The following ZNF83 variants were observed in gnomAD, a reference collection of about 807,000 sequenced individuals.
The protein encoded by ZNF83 is zinc finger protein 816B.
For missense variants in ZNF83, 552 were observed against 629.9 expected, an observed-to-expected ratio of 0.88 and a Z score of 1.32; for synonymous variants, 209 against 213.0, an observed-to-expected ratio of 0.98 and a Z score of 0.17.
chr19:52,637,255 CCT>C (rs2061180621), intron 1 of ZNF83, among the ~76,000 whole-genome samples: 1 of 152,100 alleles, frequency 6.6e-6, no homozygotes, highest in Non-Finnish European at 1.5e-5. Flanking sequence ...CTCTGCTCTC[CCT>C]GTTAAATTCC....
At chr19:52,640,098 C>T (rs1010330751), upstream of ZNF83, among the ~76,000 whole-genome samples, 13 of 152,220 alleles carry the variant, frequency 8.5e-5, no homozygotes, top group Non-Finnish European at 1.2e-4. Context: ...GGGGAAAACC[C>T]TAACCCATGT....
chr19:52,652,666 C>T, intron 3 of ZNF83: 1 of 559,894 alleles, frequency 1.8e-6, no homozygotes, highest in Non-Finnish European at 3.4e-6. Context: ...ATTATGGATT[C>T]TCTAATGATT....
intron 3 of ZNF83, chr19:52,653,001 T>G (rs973298425): frequency 1.5e-6 from 2 of 1,376,378 alleles, no homozygotes; most frequent in African/African-American, 1.4e-5. Flanking sequence ...CAGTATGAAC[T>G]CTCTGATGTT....
intron 1 of ZNF83, among the ~76,000 whole-genome samples, chr19:52,668,627 C>G (rs766060586): frequency 6.6e-6 from 1 of 152,108 alleles, no homozygotes; most frequent in Non-Finnish European, 1.5e-5. Flanking sequence ...AAAGCAAGTT[C>G]TCAGTAGTAG....
intron 2 of ZNF83, chr19:52,616,941 C>A (rs2060329816): frequency 6.6e-6 from 1 of 152,106 alleles, no homozygotes. Context: ...GAACAGAAAA[C>A]CAAACACCGC....
intron 1 of ZNF83, among the ~76,000 whole-genome samples, chr19:52,667,773 G>C (rs1305210141): frequency 6.6e-6 from 1 of 152,114 alleles, no homozygotes; most frequent in East Asian, 1.9e-4. Flanking sequence ...AGGTTAAAGA[G>C]TCTATAAAAA....
chr19:52,653,861 G>A (rs1311978097), intron 3 of ZNF83, among the ~76,000 whole-genome samples: 1 of 152,126 alleles, frequency 6.6e-6, no homozygotes, highest in African/African-American at 2.4e-5. Flanking sequence ...CTTCTTAAAT[G>A]TGAGCTATAA....
At chr19:52,613,585 C>G in exon 3 of ZNF83, 1 of 1,613,438 alleles carries the variant, frequency 6.2e-7, no homozygotes, top group South Asian at 1.1e-5. Context: ...TGACTTGTGA[C>G]TGAAGACCTT....
chr19:52,653,971 T>C, intron 3 of ZNF83: 2 of 1,356,180 alleles, frequency 1.5e-6, no homozygotes, highest in Non-Finnish European at 2.1e-6. Flanking sequence ...GTTCTTCCCA[T>C]ACCTATTAGA....
At chr19:52,686,089 G>A (rs2062010617) in intron 1 of ZNF83, among the ~76,000 whole-genome samples, 1 of 151,826 alleles carries the variant, frequency 6.6e-6, no homozygotes, top group Non-Finnish European at 1.5e-5. Flanking sequence ...TAGACTAACT[G>A]GTTAAACTGC....
chr19:52,648,555 G>T (rs1231720414), intron 3 of ZNF83, among the ~76,000 whole-genome samples: 1 of 152,144 alleles, frequency 6.6e-6, no homozygotes, highest in Non-Finnish European at 1.5e-5. Context: ...TATTTAGCCA[G>T]TTCTTTTTTT....
intron 3 of ZNF83, among the ~76,000 whole-genome samples, chr19:52,644,813 A>G (rs1353269660): frequency 6.6e-6 from 1 of 152,024 alleles, no homozygotes; most frequent in Admixed American, 6.6e-5. Flanking sequence ...GTTTGAGACC[A>G]GCCTGGCCAA....
rs772261150 is a variant in ZNF83 at position 52,612,722 on chromosome 19, T to C, written c.*292A>G. 67 of 398,436 alleles carry C rather than the reference T, an allele frequency of 1.7e-4. 1 individual carries two copies. The highest frequency in any genetic ancestry group is 5.1e-5 in the South Asian group (1 of 19,678). 24.7% of individuals were successfully genotyped at this position (398,436 alleles called of 1,614,324 possible). A position where few individuals can be genotyped will look rare whatever the true frequency, so the allele number is the denominator to read the frequency against. On this transcript the variant is annotated 3_prime_UTR_variant, in exon 3 of 3. Transcript: ENST00000301096. Reference sequence around the variant, plus strand: ...TTCTCTCAAGCATGAATTTTTGCAATATTGTACAATGTGAGAATTGTGCCA... The same window carrying C: ...TTCTCTCAAGCATGAATTTTTGCAACATTGTACAATGTGAGAATTGTGCCA...
intron 3 of ZNF83, among the ~76,000 whole-genome samples, chr19:52,649,797 T>C (rs1198491495): frequency 6.6e-6 from 1 of 152,022 alleles, no homozygotes; most frequent in Non-Finnish European, 1.5e-5. Context: ...GCAAAAAAAG[T>C]TACAGAAACT....
At chr19:52,659,644 A>G (rs1213751634) in intron 2 of ZNF83, among the ~76,000 whole-genome samples, 5 of 151,274 alleles carry the variant, frequency 3.3e-5, no homozygotes, top group African/African-American at 1.2e-4. Context: ...CAGAAGTCAC[A>G]GAAGTGAGTG....
upstream of ZNF83, among the ~76,000 whole-genome samples, chr19:52,641,642 G>A (rs534727113): frequency 1.3e-5 from 2 of 151,934 alleles, no homozygotes; most frequent in South Asian, 4.2e-4. Flanking sequence ...GTGCAATGGC[G>A]GCATCTCGAT....
chr19:52,658,271 G>T (rs2061533705), intron 2 of ZNF83, among the ~76,000 whole-genome samples: 1 of 151,916 alleles, frequency 6.6e-6, no homozygotes. Flanking sequence ...CCCAGGCCAG[G>T]TTCTGGCTCA....
At chr19:52,633,371 A>G (rs1023464300) in intron 2 of ZNF83, among the ~76,000 whole-genome samples, 12 of 152,220 alleles carry the variant, frequency 7.9e-5, no homozygotes, top group Admixed American at 1.3e-4. Context: ...CCTGTTTGGT[A>G]GTCTCTTCAC....
chr19:52,674,545 A>G (rs1402269531), intron 1 of ZNF83, among the ~76,000 whole-genome samples: 1 of 152,212 alleles, frequency 6.6e-6, no homozygotes, highest in East Asian at 1.9e-4. Context: ...CAACCAAAAT[A>G]CAAGTGGAAC....
Sources: allele counts gnomAD v4.1 joint callset (sites outside exome capture counted in the v4.1 genomes callset), GRCh38; gene constraint gnomAD v4.1.1; transcripts MANE v1.5; gene names NCBI Gene and HGNC (gene_info 2026-07-23, HGNC 2026-07-21).